The following SUN1 variants were observed in gnomAD, a reference collection of about 807,000 sequenced individuals.
The protein encoded by SUN1 is SUN domain-containing protein 1.
SUN1 carries 61 observed loss-of-function variants against 103.2 expected under a neutral mutation model. The observed-to-expected ratio is 0.59, with a 90% CI of 0.48 to 0.73. The LOEUF is 0.73. SUN1 is among the 30% of genes least tolerant of loss of function. The pLI is 0.00. For synonymous variants in SUN1, 490 were observed against 425.7 expected, an observed-to-expected ratio of 1.15 and a Z score of -1.86; for missense variants, 1,052 against 1,034.6, an observed-to-expected ratio of 1.02 and a Z score of -0.23.
chr7:873,410 C>A lies in SUN1; in HGVS notation c.*79C>A. 1 of 1,293,752 alleles carries A rather than the reference C, an allele frequency of 7.7e-7. No homozygotes were observed. Among genetic ancestry groups the A allele is most frequent in the South Asian group, 1.2e-5 (1 of 83,784 alleles). The allele number at this position is 1,293,752 out of a possible 1,614,324, so 80.1% of individuals were successfully genotyped here. ...CACTGGAATCCTTCATGGACGAGGG[C>A]ATATACAATGATGGGACAGTGCCAC... On this transcript the variant is annotated 3_prime_UTR_variant, in exon 19 of 19. Transcript: ENST00000401592.
In SUN1 at chr7:853,575, C is replaced by T. The variant is rs771711877; in HGVS notation, c.1220C>T (p.Pro407Leu). The T allele has an allele frequency of 1.3e-5, 21 of 1,608,884 alleles. No homozygotes were observed. The highest frequency in any genetic ancestry group is 2.2e-5 in the South Asian group (2 of 91,064). ...CAGATGGAAGGCGGCGCTGCCGGGC[C>T]GTCAGCTTCGGTCAGAGACGCTGTG... Reference protein sequence around the residue: ...VDQMEGGAAGPSASVRDAVGQ... With the variant: ...VDQMEGGAAGLSASVRDAVGQ... Residue 407 changes from proline (P) to leucine (L), a missense_variant, in exon 10 of 19, where the codon CCG becomes CTG. By Grantham distance (98) the Pro-to-Leu change is moderately conservative. Transcript: ENST00000401592.
At chr7:816,150 C>T (rs1265601549), upstream of SUN1, 2 of 294,128 alleles carry the variant, frequency 6.8e-6, no homozygotes, top group Non-Finnish European at 1.3e-5. Context: ...CAACGTAGAC[C>T]GCGTATCTGA....
chr7:819,064 TGTTGGTCAGGCTG>T (rs1382974278), intron 1 of SUN1, among the ~76,000 whole-genome samples: 1 of 152,104 alleles, frequency 6.6e-6, no homozygotes, highest in Non-Finnish European at 1.5e-5. Flanking sequence ...GGTTTCTCCA[TGTTGGTCAGGCTG>T]GTCTCAAACT....
chr7:823,203 A>G (rs1239277388), intron 1 of SUN1, among the ~76,000 whole-genome samples: 3 of 152,240 alleles, frequency 2.0e-5, no homozygotes, highest in Non-Finnish European at 2.9e-5. Flanking sequence ...CCGAAGGTGA[A>G]TGAGGCACAG....
intron 3 of SUN1, 90 bp downstream of exon 3, chr7:842,220 TCGG>T: frequency 1.4e-6 from 2 of 1,430,114 alleles, no homozygotes; most frequent in Non-Finnish European, 1.9e-6. Flanking sequence ...GGCCAGGTTG[TCGG>T]TTTGCATGGA....
chr7:837,632 T>TTTGAAA (rs1804743698), intron 1 of SUN1, among the ~76,000 whole-genome samples: 1 of 152,190 alleles, frequency 6.6e-6, no homozygotes, highest in African/African-American at 2.4e-5. Flanking sequence ...GAGACCTCCG[T>TTTGAAA]TTGAAATTTT....
At chr7:853,317 C>T (rs1823991373) in intron 9 of SUN1, 92 bp from the exon 10 acceptor site, 9 of 1,435,916 alleles carry the variant, frequency 6.3e-6, no homozygotes, top group Non-Finnish European at 8.7e-6. Context: ...CCAGAGCTGG[C>T]GTCTTGCTGT....
At chr7:816,007 G>A (rs1583568610), upstream of SUN1, 7 of 205,072 alleles carry the variant, frequency 3.4e-5, no homozygotes, top group South Asian at 3.3e-4. Flanking sequence ...CCCTCCTGGA[G>A]ATTCAGACCC....
intron 16 of SUN1, 29 bp from the exon 17 acceptor site, chr7:869,320 C>CA: frequency 6.2e-7 from 1 of 1,608,442 alleles, no homozygotes; most frequent in Non-Finnish European, 8.5e-7. Context: ...TGCTCACACT[C>CA]TGAGTCCTCA....
intron 16 of SUN1, 22 bp from the exon 17 acceptor site, chr7:869,327 C>A (rs1380655800): frequency 1.9e-6 from 3 of 1,610,380 alleles, no homozygotes; most frequent in Non-Finnish European, 2.5e-6. Flanking sequence ...ACTCTGAGTC[C>A]TCATGTTTTT....
chr7:838,714 C>T, intron 1 of SUN1, 84 bp from the exon 2 acceptor site: 1 of 1,333,332 alleles, frequency 7.5e-7, no homozygotes, highest in Non-Finnish European at 1.0e-6. Flanking sequence ...CAGTACATTG[C>T]ACTTTCAGTT....
intron 1 of SUN1, among the ~76,000 whole-genome samples, chr7:819,297 C>G (rs904595953): frequency 2.0e-5 from 3 of 150,066 alleles, no homozygotes; most frequent in Admixed American, 6.7e-5. Context: ...ATTGTCTCTT[C>G]ACTCTCTTGT....
upstream of SUN1, among the ~76,000 whole-genome samples, chr7:830,598 C>A (rs542442010): frequency 2.4e-4 from 37 of 152,268 alleles, no homozygotes; most frequent in East Asian, 4.6e-3. Flanking sequence ...ACTTCCTCAG[C>A]ACCTGCTGAA....
chr7:839,038 C>G (rs1806347394), intron 2 of SUN1, 52 bp downstream of exon 2: 1 of 1,458,242 alleles, frequency 6.9e-7, no homozygotes, highest in Non-Finnish European at 9.1e-7. Context: ...CAGTTAAAAC[C>G]AAGCTTCCAT....
intron 18 of SUN1, 28 bp downstream of exon 18, chr7:872,590 G>T: frequency 6.5e-7 from 1 of 1,544,050 alleles, no homozygotes; most frequent in Non-Finnish European, 8.8e-7. Flanking sequence ...CACTGCCTGG[G>T]GTCTCTGAGT....
At position 870,040 on chromosome 7, in the gene SUN1, CAAAAAAA is replaced by C. The variant is rs1185142510; in HGVS notation, c.2148+534_2148+540del. On this transcript the variant is annotated intron_variant, in intron 17 of 18. Transcript: ENST00000401592. ...GAAACCGCGTCTCTACTAAAATATACAAAAAAAAAAAAAAAATGAGCCAGGCTTGGTG... is the reference window on the plus strand; with the variant it reads ...GAAACCGCGTCTCTACTAAAATATACAAAAAAAAATGAGCCAGGCTTGGTG... 3.3e-4 allele frequency among the ~76,000 whole-genome samples: 31 copies of C among 92,842 alleles called. No homozygotes were observed. The East Asian group carries it at 7.7e-3, about 23-fold the overall frequency. The allele number at this position is 92,842 out of a possible 152,430, so 60.9% of individuals were successfully genotyped here. A position where few individuals can be genotyped will look rare whatever the true frequency, so the allele number is the denominator to read the frequency against.
At chr7:821,452 G>A (rs1785956819) in intron 1 of SUN1, among the ~76,000 whole-genome samples, 1 of 152,138 alleles carries the variant, frequency 6.6e-6, no homozygotes, top group Non-Finnish European at 1.5e-5. Flanking sequence ...ATAGGCGTGA[G>A]CCCGGCCTGG....
chr7:857,947 T>A lies in SUN1; in HGVS notation c.1514T>A (p.Val505Glu). 1 of 1,571,644 alleles carries A rather than the reference T, an allele frequency of 6.4e-7. No homozygotes were observed. The highest frequency in any genetic ancestry group is 8.7e-7 in the Non-Finnish European group (1 of 1,151,148). Residue 505 changes from valine to glutamate, a missense_variant, in exon 13 of 19, where the codon GTA becomes GAA. By Grantham distance (121) the Val-to-Glu change is moderately radical (BLOSUM62 -2). Around this residue, in one of 2 missense-constraint regions of SUN1, gnomAD observed 846 missense variants for 774.5 expected, o/e 1.09. Transcript: ENST00000401592. ...ACCGGCTGTGAGACAGTGGATGCCG[T>A]ACAAGAAAGAGTGAGCTTTCTGCAT... ...VKTGCETVDA[V>E]QERVDVQVRE...
intron 11 of SUN1, among the ~76,000 whole-genome samples, chr7:856,135 G>A (rs910247245): frequency 6.6e-6 from 1 of 152,208 alleles, no homozygotes; most frequent in Non-Finnish European, 1.5e-5. Context: ...TTCTGAGCCC[G>A]CCAGGCCGTT....
Sources: allele counts gnomAD v4.1 joint callset (sites outside exome capture counted in the v4.1 genomes callset), GRCh38; gene constraint gnomAD v4.1.1; regional missense constraint gnomAD v4.1.1; transcripts MANE v1.5; gene names NCBI Gene and HGNC (gene_info 2026-07-23, HGNC 2026-07-21).